The following ZNF260 variants were observed in gnomAD, a reference collection of about 807,000 sequenced individuals.
The protein encoded by ZNF260 is zfp-260.
Under a neutral mutation model 29.3 loss-of-function variants are expected in ZNF260, and 21 were observed. The observed-to-expected ratio is 0.72, with a 90% CI of 0.51 to 1.03. The LOEUF (loss-of-function observed/expected upper bound fraction) is 1.03. ZNF260 is among the 50% of genes least tolerant of loss of function. The pLI is 0.00. For missense variants in ZNF260, 465 were observed against 487.8 expected, an observed-to-expected ratio of 0.95 and a Z score of 0.44; for synonymous variants, 156 against 156.8, an observed-to-expected ratio of 0.99 and a Z score of 0.04.
At position 36,514,868 on chromosome 19, in the gene ZNF260, A is replaced by T. The variant is rs1224657136; in HGVS notation, c.371T>A (p.Ile124Asn). 7 of 1,613,932 alleles carry T rather than the reference A, an allele frequency of 4.3e-6. No individual in the cohort carries two copies. In the East Asian group the frequency reaches 1.6e-4, roughly 36 times the overall value. ...EKVSIQMPTI[I>N]RHQKNHTGTK... is the part of the protein sequence containing the mutation. ...TCCTGTATGATTTTTCTGGTGTCTG[A>T]TGATGGTTGGCATCTGAATAGAAAC... is the stretch of plus-strand genomic sequence containing the variant. Residue 124 changes from isoleucine (I) to asparagine (N), a missense_variant, in exon 3 of 3, where the codon ATC becomes AAC. Transcript: ENST00000523638.
intron 2 of ZNF260, among the ~76,000 whole-genome samples, chr19:36,524,411 C>T (rs1328961469): frequency 6.6e-6 from 1 of 151,914 alleles, no homozygotes; most frequent in South Asian, 2.1e-4. Flanking sequence ...GATCTCCTGA[C>T]CTCGTGATCC....
At chr19:36,520,324 A>C (rs1049299159) in intron 2 of ZNF260, among the ~76,000 whole-genome samples, 6 of 152,108 alleles carry the variant, frequency 3.9e-5, no homozygotes, top group Admixed American at 3.9e-4. Flanking sequence ...TGGATTCTTA[A>C]GGAAAAACTT....
chr19:36,513,069 A>C lies in ZNF260; in HGVS notation c.*931T>G, dbSNP rs1375168832. 1.3e-5 allele frequency: 2 copies of C among 152,310 alleles called. No homozygotes were observed. The highest frequency in any genetic ancestry group is 4.8e-5 in the African/African-American group (2 of 41,572). The allele number at this position is 152,310 out of a possible 1,614,324, so 9.4% of individuals were successfully genotyped here. ...TTTTATGATTACAGTATATTGTTAT[A>C]ATTGTTCCATATTATGTTTATTATT... On this transcript the variant is annotated 3_prime_UTR_variant, in exon 3 of 3. Coordinates refer to ENST00000523638, the MANE Select transcript of ZNF260 (RefSeq NM_001166037.2).
chr19:36,515,550 G>A lies in ZNF260; in HGVS notation c.-312C>T. ...TTAAACTGAGTTCCATACACAGAAG[G>A]GTAGTCTTGAAGAATCAATGACTGT... On this transcript the variant is annotated 5_prime_UTR_variant, in exon 3 of 3. Coordinates refer to ENST00000523638, the MANE Select transcript of ZNF260 (RefSeq NM_001166037.2). 4.7e-6 allele frequency: 1 copy of A among 212,202 alleles called. No individual in the cohort carries two copies. The highest frequency in any genetic ancestry group is 1.4e-4 in the South Asian group (1 of 7,226). 13.1% of individuals were successfully genotyped at this position (212,202 alleles called of 1,614,324 possible).
At position 36,513,898 on chromosome 19, in the gene ZNF260, C is replaced by T; in HGVS notation, c.*102G>A. 7.6e-7 allele frequency: 1 copy of T among 1,311,030 alleles called. No individual in the cohort carries two copies. The highest frequency in any genetic ancestry group is 2.3e-5 in the Admixed American group (1 of 43,544). 81.2% of individuals were successfully genotyped at this position (1,311,030 alleles called of 1,614,324 possible). ...GTTTTGAATTGCTGCTGAAGGACTT[C>T]CCACATTCATGTCACTTTAATGTAA... On this transcript the variant is annotated 3_prime_UTR_variant, in exon 3 of 3. Transcript: ENST00000523638.
intron 2 of ZNF260, among the ~76,000 whole-genome samples, chr19:36,524,167 T>C (rs1023802149): frequency 5.9e-5 from 9 of 151,950 alleles, no homozygotes; most frequent in African/African-American, 2.2e-4. Context: ...GAATGATTAA[T>C]TTATTTTATT....
intron 1 of ZNF260, among the ~76,000 whole-genome samples, 195 bp downstream of exon 1, chr19:36,528,024 C>G (rs1467849751): frequency 6.6e-6 from 1 of 152,070 alleles, no homozygotes; most frequent in African/African-American, 2.4e-5. Flanking sequence ...CTCTCGGTCA[C>G]CCACCCGCGA....
rs186855375 is a variant in ZNF260 at position 36,526,198 on chromosome 19, C to T, written c.-680-825G>A. Among the ~76,000 whole-genome samples the T allele has an allele frequency of 2.3e-3, 354 of 152,224 alleles. 5 individuals are homozygous for T. The highest frequency in any genetic ancestry group is 3.0e-3 in the Non-Finnish European group (207 of 68,008). ...CCCTTGATATCACAGGAGATTGGTT[C>T]CAGGATCACTGTGGATACCAAAATC... On this transcript the variant is annotated intron_variant, in intron 1 of 2. Coordinates refer to ENST00000523638, the MANE Select transcript of ZNF260 (RefSeq NM_001166037.2).
chr19:36,520,065 G>A (rs756476285), intron 2 of ZNF260, among the ~76,000 whole-genome samples: 26 of 151,712 alleles, frequency 1.7e-4, no homozygotes, highest in Non-Finnish European at 2.7e-4. Flanking sequence ...CGGGTGTGGT[G>A]GTGTGCGCCT....
chr19:36,519,833 A>G (rs1044597090), intron 2 of ZNF260, among the ~76,000 whole-genome samples: 1 of 152,224 alleles, frequency 6.6e-6, no homozygotes, highest in Non-Finnish European at 1.5e-5. Flanking sequence ...AAGTTTTAGC[A>G]TAAAAGCTTA....
intron 1 of ZNF260, among the ~76,000 whole-genome samples, chr19:36,527,251 G>A (rs189708344): frequency 4.9e-4 from 74 of 152,248 alleles, no homozygotes; most frequent in Non-Finnish European, 8.7e-4. Flanking sequence ...CAATAGTTAG[G>A]GGAAAAGCAG....
chr19:36,514,437 T>C lies in ZNF260; in HGVS notation c.802A>G (p.Lys268Glu). The C allele has an allele frequency of 1.9e-6, 3 of 1,614,110 alleles. No individual in the cohort carries two copies. Among genetic ancestry groups the C allele is most frequent in the Non-Finnish European group, 2.5e-6 (3 of 1,180,002 alleles). ...TAGGGTTTCTCTCCAATATGAATTT[T>C]CTCATGCTCTGTGAGATTTGACTTG... is the stretch of plus-strand genomic sequence containing the variant. ...SGKSNLTEHE[K>E]IHIGEKPYKC... The change falls in exon 3 of 3, where the codon AAA becomes GAA. Residue 268 changes from lysine to glutamate, a missense_variant. Transcript: ENST00000523638.
In ZNF260 at chr19:36,515,293, T is replaced by A; in HGVS notation, c.-55A>T. 1 of 1,446,792 alleles carries A rather than the reference T, an allele frequency of 6.9e-7. No individual in the cohort carries two copies. The highest frequency in any genetic ancestry group is 1.4e-5 in the African/African-American group (1 of 70,338). 89.6% of individuals were successfully genotyped at this position (1,446,792 alleles called of 1,614,324 possible). On this transcript the variant is annotated 5_prime_UTR_variant, in exon 3 of 3. Transcript: ENST00000523638. ...AGTATCAAATAAGATGTAATAAGGA[T>A]GAAAGCTTTCCCACATTCACTAAAT...
chr19:36,521,231 T>C (rs920690507), intron 2 of ZNF260, among the ~76,000 whole-genome samples: 11 of 152,214 alleles, frequency 7.2e-5, no homozygotes, highest in Non-Finnish European at 1.3e-4. Context: ...AAAAAATTCA[T>C]GAAAATTGGT....
Position 36,524,525 on chromosome 19 carries a change from T to TTTTTG in ZNF260, c.-462+629_-462+630insCAAAA, listed in dbSNP as rs1168435929. On this transcript the variant is annotated intron_variant, in intron 2 of 2. Transcript: ENST00000523638. ...AAATAACTTACATGCTAGTTTTTTTTTTTTTTTTTATTGATCATTCTTGGG... is the reference window on the plus strand; with the variant it reads ...AAATAACTTACATGCTAGTTTTTTTTTTTTGTTTTTTTTTATTGATCATTCTTGGG... Among the ~76,000 whole-genome samples the TTTTTG allele has an allele frequency of 1.9e-5, 2 of 107,694 alleles. 1 individual carries two copies. Among genetic ancestry groups the TTTTTG allele is most frequent in the East Asian group, 4.1e-4 (2 of 4,928 alleles). 70.7% of individuals were successfully genotyped at this position (107,694 alleles called of 152,430 possible). A position where few individuals can be genotyped will look rare whatever the true frequency, so the allele number is the denominator to read the frequency against.
chr19:36,527,699 T>A (rs953513985), intron 1 of ZNF260, among the ~76,000 whole-genome samples: 2 of 152,188 alleles, frequency 1.3e-5, no homozygotes, highest in African/African-American at 4.8e-5. Flanking sequence ...AGTCAATGCC[T>A]ACTGGGTGTA....
intron 2 of ZNF260, among the ~76,000 whole-genome samples, chr19:36,516,217 G>C (rs1272034764): frequency 6.6e-6 from 1 of 152,084 alleles, no homozygotes; most frequent in Non-Finnish European, 1.5e-5. Flanking sequence ...ATAAAATAAA[G>C]TTCAAATACA....
rs2034483917 is a variant in ZNF260 at position 36,513,384 on chromosome 19, A to G, written c.*616T>C. The stretch of plus-strand genomic sequence containing the variant: ...TGCTTTTTGCATTTTAGTCTTTAGT[A>G]CTTTAAGAATTCATAAGAAAAATAT... On this transcript the variant is annotated 3_prime_UTR_variant, in exon 3 of 3. Transcript: ENST00000523638. 1 of 177,746 alleles carries G rather than the reference A, an allele frequency of 5.6e-6. No homozygotes were observed. The highest frequency in any genetic ancestry group is 1.2e-5 in the Non-Finnish European group (1 of 85,768). The allele number at this position is 177,746 out of a possible 1,614,324, so 11.0% of individuals were successfully genotyped here.
At chr19:36,524,534 T>TTTTTTTA (rs1555779912) in intron 2 of ZNF260, among the ~76,000 whole-genome samples, 1 of 126,054 alleles carries the variant, frequency 7.9e-6, no homozygotes, top group African/African-American at 2.9e-5. Flanking sequence ...TTTTTTTTTT[T>TTTTTTTA]ATTGATCATT....
Sources: gnomAD v4.1 joint callset for allele counts (sites outside exome capture counted in the v4.1 genomes callset) on GRCh38, gnomAD v4.1.1 for gene constraint, MANE v1.5 for transcripts, NCBI Gene and HGNC (gene_info 2026-07-23, HGNC 2026-07-21) for gene names.